AGFG1: variants seen among roughly 807,000 people sequenced by gnomAD.
AGFG1 encodes the protein ArfGAP with FG repeats 1, also known as arf-GAP domain and FG repeat-containing protein 1.
A neutral mutation model predicts 60.6 loss-of-function variants in AGFG1; 10 were observed. The observed-to-expected ratio is 0.16, with a 90% CI of 0.10 to 0.28. The LOEUF is 0.28. AGFG1 is among the 10% of genes least tolerant of loss of function. The pLI is 1.00. For missense variants in AGFG1, 537 were observed against 676.5 expected (o/e 0.79, Z 2.29); for synonymous variants, 247 against 242.9 (o/e 1.02, Z -0.16).
chr2:227,535,044 C>A lies in AGFG1; in HGVS notation c.1205+19C>A. ...CTAGCAGGTACCTTGTCTTAGCTAG[C>A]CCTCCTGCTTTGTGTTTTATCTTTT... On this transcript the variant is annotated intron_variant, in intron 8 of 12. Transcript: ENST00000310078. 2 of 1,559,034 alleles carry A rather than the reference C, an allele frequency of 1.3e-6. No individual in the cohort carries two copies. The highest frequency in any genetic ancestry group is 1.7e-6 in the Non-Finnish European group (2 of 1,149,074).
At chr2:227,489,319 C>G (rs920112767) in intron 1 of AGFG1, among the ~76,000 whole-genome samples, 4 of 150,192 alleles carry the variant, frequency 2.7e-5, no homozygotes, top group Admixed American at 2.0e-4. Context: ...CAACTTCCGC[C>G]TCCTGGGGTC....
At chr2:227,550,501 A>G (rs1313667933) in intron 10 of AGFG1, among the ~76,000 whole-genome samples, 1 of 152,118 alleles carries the variant, frequency 6.6e-6, no homozygotes, top group Admixed American at 6.5e-5. Flanking sequence ...GTGCTCTCTT[A>G]AAGTGATTTG....
chr2:227,538,346 A>G (rs1001935901), intron 10 of AGFG1, among the ~76,000 whole-genome samples: 3 of 152,170 alleles, frequency 2.0e-5, no homozygotes, highest in Non-Finnish European at 4.4e-5. Flanking sequence ...ATTTATAGTT[A>G]CTTGCAGGTT....
chr2:227,551,218 T>C (rs1692809269), intron 10 of AGFG1, among the ~76,000 whole-genome samples: 1 of 152,246 alleles, frequency 6.6e-6, no homozygotes, highest in African/African-American at 2.4e-5. Context: ...ATTTCACTTC[T>C]AATCTTTATG....
At chr2:227,531,356 G>T in intron 6 of AGFG1, 146 bp downstream of exon 6, 1 of 955,890 alleles carries the variant, frequency 1.0e-6, no homozygotes, top group East Asian at 2.7e-5. Context: ...GGGGAAACCT[G>T]AACTCTTTAT....
chr2:227,552,208 A>T (rs1692842179), intron 11 of AGFG1, 91 bp downstream of exon 11: 1 of 1,449,126 alleles, frequency 6.9e-7, no homozygotes, highest in African/African-American at 1.4e-5. Context: ...GACTTTTCTA[A>T]AGAATACTAT....
chr2:227,546,457 C>T (rs1328969982), intron 10 of AGFG1, among the ~76,000 whole-genome samples: 2 of 152,318 alleles, frequency 1.3e-5, no homozygotes, highest in East Asian at 1.9e-4. Flanking sequence ...GGTGATGCCC[C>T]GCCTTGCTTC....
chr2:227,499,564 C>G (rs1691085904), intron 2 of AGFG1, among the ~76,000 whole-genome samples: 1 of 151,484 alleles, frequency 6.6e-6, no homozygotes, highest in African/African-American at 2.4e-5. Context: ...CACTTGAACC[C>G]AGCAGGCAGA....
intron 2 of AGFG1, among the ~76,000 whole-genome samples, chr2:227,502,091 A>G (rs1008291382): frequency 6.6e-6 from 1 of 152,028 alleles, no homozygotes; most frequent in African/African-American, 2.4e-5. Context: ...ACTCCTGACT[A>G]AAGCGATCCA....
rs567835800 is a variant in AGFG1 at position 227,500,446 on chromosome 2, G to A, written c.261+8806G>A. Among the ~76,000 whole-genome samples the A allele has an allele frequency of 2.0e-5, 3 of 152,276 alleles. No homozygotes were observed. The South Asian group carries it at 6.2e-4, about 32-fold the overall frequency. On this transcript the variant is annotated intron_variant, in intron 2 of 12. Transcript: ENST00000310078. ...GGTTCACCAGCTTGTCTGCCTGCAG[G>A]GAGCCTGGTTTGGCTATCTGCTACA...
Position 227,559,898 on chromosome 2 carries a change from G to T in AGFG1, c.*5403G>T, listed in dbSNP as rs1456539867. 6.6e-6 allele frequency: 1 copy of T among 152,032 alleles called. No individual in the cohort carries two copies. The highest frequency in any genetic ancestry group is 1.9e-4 in the East Asian group (1 of 5,192). The allele number at this position is 152,032 out of a possible 1,614,324, so 9.4% of individuals were successfully genotyped here. A position where few individuals can be genotyped will look rare whatever the true frequency, so the allele number is the denominator to read the frequency against. On this transcript the variant is annotated 3_prime_UTR_variant, in exon 13 of 13. Transcript: ENST00000310078. ...ATCAGGTTTTTTAAAGACTTTAAAGGTTTTTTGTATGCTATAATATATGCT... is the reference window on the plus strand; with the variant it reads ...ATCAGGTTTTTTAAAGACTTTAAAGTTTTTTTGTATGCTATAATATATGCT...
intron 6 of AGFG1, among the ~76,000 whole-genome samples, chr2:227,531,814 T>C (rs1692169381): frequency 6.6e-6 from 1 of 152,144 alleles, no homozygotes; most frequent in Non-Finnish European, 1.5e-5. Context: ...GCTGGTTGCT[T>C]CTGTAGAGCT....
intron 10 of AGFG1, among the ~76,000 whole-genome samples, chr2:227,546,643 T>G (rs1205174539): frequency 6.6e-6 from 1 of 152,212 alleles, no homozygotes; most frequent in Non-Finnish European, 1.5e-5. Context: ...TGTAGCTTTT[T>G]AAAAAACTGT....
intron 10 of AGFG1, among the ~76,000 whole-genome samples, chr2:227,538,233 A>C (rs1473392783): frequency 6.6e-6 from 1 of 152,228 alleles, no homozygotes; most frequent in East Asian, 1.9e-4. Context: ...CTCAGCTGTC[A>C]TCAAATAAAT....
At chr2:227,499,997 G>T (rs1338055528) in intron 2 of AGFG1, among the ~76,000 whole-genome samples, 1 of 152,172 alleles carries the variant, frequency 6.6e-6, no homozygotes, top group Non-Finnish European at 1.5e-5. Flanking sequence ...ATTGATGTTG[G>T]GTTCTTACTG....
chr2:227,539,528 G>A (rs897031155), intron 10 of AGFG1, among the ~76,000 whole-genome samples: 1 of 151,718 alleles, frequency 6.6e-6, no homozygotes, highest in African/African-American at 2.4e-5. Flanking sequence ...GCCGAGGTAG[G>A]TGGGTTGCTT....
chr2:227,541,987 G>T lies in AGFG1; in HGVS notation c.1378+4994G>T, dbSNP rs570427905. ...TGAATGGGAGTTCACTCATGATTTGGCTCTCTGTCTGTTATTGGTGTATAG... is the reference window on the plus strand; with the variant it reads ...TGAATGGGAGTTCACTCATGATTTGTCTCTCTGTCTGTTATTGGTGTATAG... On this transcript the variant is annotated intron_variant, in intron 10 of 12. Transcript: ENST00000310078. 5.0e-4 allele frequency among the ~76,000 whole-genome samples: 76 copies of T among 152,196 alleles called. No individual in the cohort carries two copies. The South Asian group carries it at 0.015, about 30-fold the overall frequency.
intron 10 of AGFG1, among the ~76,000 whole-genome samples, chr2:227,543,158 C>T (rs561110821): frequency 1.3e-5 from 2 of 152,174 alleles, no homozygotes; most frequent in Non-Finnish European, 2.9e-5. Flanking sequence ...CTCTCTCCTT[C>T]AATTCTGCTG....
intron 2 of AGFG1, among the ~76,000 whole-genome samples, chr2:227,494,352 G>A (rs1690912883): frequency 1.3e-5 from 2 of 152,130 alleles, no homozygotes; most frequent in South Asian, 4.1e-4. Context: ...AAAATAAGTT[G>A]CCATATTCTC....
Sources: allele counts gnomAD v4.1 joint callset (sites outside exome capture counted in the v4.1 genomes callset), GRCh38; gene constraint gnomAD v4.1.1; transcripts MANE v1.5; gene names NCBI Gene and HGNC (gene_info 2026-07-23, HGNC 2026-07-21).